The following PACS1 variants were observed in gnomAD, a reference collection of about 807,000 sequenced individuals.
PACS1 encodes phosphofurin acidic cluster sorting protein 1.
A neutral mutation model predicts 115.0 loss-of-function variants in PACS1; 24 were observed. The ratio of observed to expected loss-of-function variants is 0.21; its 90% CI spans 0.15 to 0.29. The LOEUF is 0.29. Ranked by LOEUF, PACS1 falls within the 10% of genes least tolerant of loss-of-function variation. The probability of loss-of-function intolerance (pLI) is 1.00; values close to 1 mark genes in which losing one functional copy is unlikely to be tolerated. For missense variants in PACS1, 838 were observed against 1,251.2 expected, an observed-to-expected ratio of 0.67 and a Z score of 4.98; for synonymous variants, 453 against 504.5, an observed-to-expected ratio of 0.90 and a Z score of 1.37.
At chr11:66,238,550 G>C in intron 19 of PACS1, 1 of 416,184 alleles carries the variant, frequency 2.4e-6, no homozygotes, top group Non-Finnish European at 4.2e-6. Context: ...GCCCAGGCTG[G>C]AGTGCAGTGG....
At chr11:66,143,263 A>C (rs993892824) in intron 1 of PACS1, among the ~76,000 whole-genome samples, 6 of 152,160 alleles carry the variant, frequency 3.9e-5, no homozygotes, top group African/African-American at 1.2e-4. Flanking sequence ...GATTATTTAA[A>C]ACTTCTTGCT....
chr11:66,234,357 G>C (rs1006155258), intron 17 of PACS1, 115 bp downstream of exon 17: 6 of 747,054 alleles, frequency 8.0e-6, no homozygotes, highest in Admixed American at 1.9e-5. Context: ...TCACCTTCCC[G>C]GTCACTCTGT....
At chr11:66,086,061 C>A (rs2134505847) in intron 1 of PACS1, among the ~76,000 whole-genome samples, 1 of 152,058 alleles carries the variant, frequency 6.6e-6, no homozygotes, top group South Asian at 2.1e-4. Context: ...TATAATCTTT[C>A]CCTTATTTAC....
intron 1 of PACS1, among the ~76,000 whole-genome samples, chr11:66,082,853 T>C (rs9704166): frequency 0.97 from 148,061 of 152,308 alleles, 72,110 homozygotes; most frequent in Middle Eastern, 1. Context: ...AAAACTCTGT[T>C]TCAAAAAATA....
At chr11:66,150,778 T>G (rs1008926128) in intron 1 of PACS1, among the ~76,000 whole-genome samples, 1 of 152,220 alleles carries the variant, frequency 6.6e-6, no homozygotes, top group African/African-American at 2.4e-5. Context: ...AATTGAAAGA[T>G]CTGGGTAAAA....
intron 1 of PACS1, among the ~76,000 whole-genome samples, chr11:66,183,021 T>G (rs1860043128): frequency 6.6e-6 from 1 of 151,994 alleles, no homozygotes; most frequent in Non-Finnish European, 1.5e-5. Flanking sequence ...TCCCAGCTAC[T>G]TGGGAGGCTG....
chr11:66,074,186 A>G (rs1372334995), intron 1 of PACS1, among the ~76,000 whole-genome samples: 1 of 152,242 alleles, frequency 6.6e-6, no homozygotes, highest in African/African-American at 2.4e-5. Flanking sequence ...CTCACTTCCC[A>G]GAGGTAATCA....
intron 11 of PACS1, among the ~76,000 whole-genome samples, chr11:66,228,133 A>G (rs753272844): frequency 6.7e-6 from 1 of 149,576 alleles, no homozygotes; most frequent in Non-Finnish European, 1.5e-5. Context: ...TGAGTGAGCC[A>G]CAGTTTGCAT....
intron 1 of PACS1, among the ~76,000 whole-genome samples, chr11:66,145,173 A>G (rs1027363750): frequency 1.3e-5 from 2 of 152,242 alleles, no homozygotes; most frequent in African/African-American, 4.8e-5. Flanking sequence ...CAAGAAAGAA[A>G]TGGAGAAGCA....
intron 8 of PACS1, 97 bp downstream of exon 8, chr11:66,219,902 G>C: frequency 1.1e-6 from 1 of 904,758 alleles, no homozygotes; most frequent in East Asian, 2.4e-5. Context: ...TGAGAGTCAG[G>C]ATTCTAGGAT....
At chr11:66,210,053 CAG>C (rs1855034863) in intron 2 of PACS1, among the ~76,000 whole-genome samples, 1 of 150,684 alleles carries the variant, frequency 6.6e-6, no homozygotes, top group Non-Finnish European at 1.5e-5. Flanking sequence ...TTATTTGAGA[CAG>C]GGTCTCTCTC....
intron 10 of PACS1, among the ~76,000 whole-genome samples, chr11:66,225,447 G>C (rs1855452783): frequency 6.6e-6 from 1 of 152,178 alleles, no homozygotes; most frequent in Non-Finnish European, 1.5e-5. Context: ...GATTGTCTGG[G>C]ACATCTGGAA....
At chr11:66,089,191 A>C (rs958668204) in intron 1 of PACS1, among the ~76,000 whole-genome samples, 1 of 152,160 alleles carries the variant, frequency 6.6e-6, no homozygotes, top group African/African-American at 2.4e-5. Context: ...GATGTTTGGC[A>C]TTCTTATTTT....
intron 1 of PACS1, among the ~76,000 whole-genome samples, chr11:66,173,888 A>C (rs1311636340): frequency 6.6e-6 from 1 of 152,056 alleles, no homozygotes; most frequent in Non-Finnish European, 1.5e-5. Context: ...CCCTGTCTCT[A>C]CTAAAAATAC....
At chr11:66,156,496 T>C (rs1356938765) in intron 1 of PACS1, among the ~76,000 whole-genome samples, 1 of 151,756 alleles carries the variant, frequency 6.6e-6, no homozygotes, top group African/African-American at 2.4e-5. Context: ...CCATCCGTCT[T>C]GGCCTCTCAA....
rs368993849 is a variant in PACS1 at position 66,093,308 on chromosome 11, G to A, written c.356+22466G>A. Among the ~76,000 whole-genome samples, 90 of 151,418 alleles carry A rather than the reference G, an allele frequency of 5.9e-4. No homozygotes were observed. In the East Asian group the frequency reaches 0.016, roughly 26 times the overall value. ...GCTGTATTCAGGAAACCCATCTCACGTGCAGAGACACACATAGGCTCAAAA... is the reference window on the plus strand; with the variant it reads ...GCTGTATTCAGGAAACCCATCTCACATGCAGAGACACACATAGGCTCAAAA... On this transcript the variant is annotated intron_variant, in intron 1 of 23. Coordinates refer to ENST00000320580, the MANE Select transcript of PACS1 (RefSeq NM_018026.4).
At chr11:66,098,820 G>A (rs1052939974) in intron 1 of PACS1, among the ~76,000 whole-genome samples, 2 of 152,108 alleles carry the variant, frequency 1.3e-5, no homozygotes, top group Non-Finnish European at 2.9e-5. Context: ...GGATCTTATA[G>A]TATTTCCTTA....
chr11:66,214,580 C>G (rs991649412), intron 4 of PACS1, among the ~76,000 whole-genome samples: 1 of 138,140 alleles, frequency 7.2e-6, no homozygotes, highest in Non-Finnish European at 1.6e-5. Flanking sequence ...TTCCTTCTCT[C>G]TCTCGCTCCC....
chr11:66,216,624 G>A lies in PACS1; in HGVS notation c.897+13G>A. ...ATTGCATGGGCAGGTAACTTTCTGT[G>A]GTCCCTCACATGGCGTGTCCAAGAA... On this transcript the variant is annotated intron_variant, in intron 6 of 23. Coordinates refer to ENST00000320580, the MANE Select transcript of PACS1 (RefSeq NM_018026.4). 3.1e-6 allele frequency: 5 copies of A among 1,611,760 alleles called. No homozygotes were observed. The highest frequency in any genetic ancestry group is 4.2e-6 in the Non-Finnish European group (5 of 1,177,810).
Sources: allele counts gnomAD v4.1 joint callset (sites outside exome capture counted in the v4.1 genomes callset), GRCh38; gene constraint gnomAD v4.1.1; transcripts MANE v1.5; gene names NCBI Gene and HGNC (gene_info 2026-07-23, HGNC 2026-07-21).